The following TRPV1 variants were observed in gnomAD, a reference collection of about 807,000 sequenced individuals.
TRPV1 encodes transient receptor potential cation channel subfamily V member 1.
TRPV1 carries 82 observed loss-of-function variants against 82.3 expected under a neutral mutation model. The ratio of observed to expected loss-of-function variants is 1.00; its 90% confidence interval spans 0.83 to 1.20. TRPV1 has a LOEUF of 1.20. TRPV1 is among the 50% of genes most tolerant of loss of function. TRPV1 has a pLI of 0.00. For synonymous variants in TRPV1, 515 were observed against 467.7 expected (o/e 1.10, Z -1.30); for missense variants, 1,067 against 1,096.8 (o/e 0.97, Z 0.38).
At position 3,592,245 on chromosome 17, in the gene TRPV1, C is replaced by A; in HGVS notation, c.106G>T (p.Ala36Ser). Reference sequence around the variant, plus strand: ...TTGGCCGTGGAGAGCTGGGGCTTGGCTGGAGGTGGCCTGGAGTTAGGGTCT... The same window carrying A: ...TTGGCCGTGGAGAGCTGGGGCTTGGATGGAGGTGGCCTGGAGTTAGGGTCT... ...DGDPNSRPPP[A>S]KPQLSTAKSR... Residue 36 changes from alanine (A) to serine (S), a missense_variant, in exon 3 of 17, where the codon GCC becomes TCC. By Grantham distance (99) the Ala-to-Ser change is moderately conservative. Coordinates refer to ENST00000572705, the MANE Select transcript of TRPV1 (RefSeq NM_080704.4). 6.2e-7 allele frequency: 1 copy of A among 1,610,136 alleles called. No individual in the cohort carries two copies. The highest frequency in any genetic ancestry group is 8.5e-7 in the Non-Finnish European group (1 of 1,178,228).
chr17:3,575,991 G>A lies in TRPV1; in HGVS notation c.1780+1135C>T, dbSNP rs1414263484. 3.3e-5 allele frequency among the ~76,000 whole-genome samples: 5 copies of A among 151,736 alleles called. No homozygotes were observed. In the South Asian group the frequency reaches 8.3e-4, roughly 25 times the overall value. ...CTGTCATCCTAGCACTTTGGGAGCC[G>A]AGGCGGGCAGATCACTTGAGGTCAG... On this transcript the variant is annotated intron_variant, in intron 13 of 16. Coordinates refer to ENST00000572705, the MANE Select transcript of TRPV1 (RefSeq NM_080704.4).
At chr17:3,591,463 GA>G (rs985176708) in intron 3 of TRPV1, 110 bp from the exon 4 acceptor site, 1 of 1,308,822 alleles carries the variant, frequency 7.6e-7, no homozygotes, top group Non-Finnish European at 1.0e-6. Flanking sequence ...CCAAAAAGGG[GA>G]AAAATGATAT....
intron 12 of TRPV1, 134 bp downstream of exon 12, chr17:3,577,464 G>T: frequency 8.1e-7 from 1 of 1,228,368 alleles, no homozygotes; most frequent in Non-Finnish European, 1.1e-6. Flanking sequence ...CTTGATTCTT[G>T]GAAAATAGGC....
intron 2 of TRPV1, among the ~76,000 whole-genome samples, chr17:3,594,626 C>A (rs527802848): frequency 6.6e-6 from 1 of 152,224 alleles, no homozygotes; most frequent in Admixed American, 6.5e-5. Flanking sequence ...ATCAGGTGGA[C>A]CCCCTGCAGC....
At chr17:3,599,669 C>A (rs2075247885) in intron 2 of TRPV1, among the ~76,000 whole-genome samples, 1 of 149,928 alleles carries the variant, frequency 6.7e-6, no homozygotes, top group Non-Finnish European at 1.5e-5. Context: ...CACTCTGTCC[C>A]CCAGGCTACA....
At position 3,591,175 on chromosome 17, in the gene TRPV1, C is replaced by T. The variant is rs200589858; in HGVS notation, c.451+12G>A. ...GGGCTGGGGCCCTCCCCGAGCCCAG[C>T]GCTGGGGCCACCTTTGAACTCGTTG... On this transcript the variant is annotated intron_variant, in intron 4 of 16. Transcript: ENST00000572705. 62 of 1,608,148 alleles carry T rather than the reference C, an allele frequency of 3.9e-5. No individual in the cohort carries two copies. The highest frequency in any genetic ancestry group is 3.6e-4 in the East Asian group (16 of 44,684).
At chr17:3,597,346 C>G (rs1032091717) in intron 2 of TRPV1, among the ~76,000 whole-genome samples, 3 of 152,294 alleles carry the variant, frequency 2.0e-5, no homozygotes, top group African/African-American at 7.2e-5. Context: ...CCCCGGAGGT[C>G]TGGGAAACGG....
chr17:3,600,362 C>T (rs1052945060), intron 2 of TRPV1, among the ~76,000 whole-genome samples: 3 of 152,120 alleles, frequency 2.0e-5, no homozygotes, highest in Non-Finnish European at 4.4e-5. Flanking sequence ...CAGAAGTGGG[C>T]GGACTGTCTG....
Position 3,588,898 on chromosome 17 carries a change from C to T in TRPV1, c.1045-531G>A, listed in dbSNP as rs961436711. The stretch of plus-strand genomic sequence containing the variant: ...CCTGCACCATATCAGGCCCACAATC[C>T]CCTCACGGCGAGGCCCCAGCTCTAC... On this transcript the variant is annotated intron_variant, in intron 7 of 16. Transcript: ENST00000572705. The T allele has an allele frequency of 1.7e-5, 26 of 1,535,506 alleles. No individual in the cohort carries two copies. The African/African-American group carries it at 3.0e-4, about 18-fold the overall frequency.
chr17:3,585,913 A>G lies in TRPV1; in HGVS notation c.1238T>C (p.Met413Thr). 6.2e-7 allele frequency: 1 copy of G among 1,613,866 alleles called. No homozygotes were observed. Residue 413 changes from methionine (M) to threonine (T), a missense_variant, in exon 9 of 17, where the codon ATG (methionine) becomes ACG (threonine). Coordinates refer to ENST00000572705, the MANE Select transcript of TRPV1 (RefSeq NM_080704.4). Reference protein sequence around the residue: ...SSSETPNRHDMLLVEPLNRLL... With the variant: ...SSSETPNRHDTLLVEPLNRLL... ...TCGGTTCAGCGGCTCCACCAAGAGCATGTCGTGGCGATTCTAGGGGGTGGG... is the reference window on the plus strand; with the variant it reads ...TCGGTTCAGCGGCTCCACCAAGAGCGTGTCGTGGCGATTCTAGGGGGTGGG...
rs1442632112 is a variant in TRPV1, at chr17:3,577,113, C to A, written c.1780+13G>T. 2 of 1,577,562 alleles carry A rather than the reference C, an allele frequency of 1.3e-6. No homozygotes were observed. The highest frequency in any genetic ancestry group is 1.2e-5 in the South Asian group (1 of 85,816). ...GACCCCTGCCCTCCCCCAGCGCTGA[C>A]CAAGCTCATTACCTGTGGAAAACCC... On this transcript the variant is annotated intron_variant, in intron 13 of 16. Transcript: ENST00000572705.
At chr17:3,591,785 G>A (rs1283293074) in intron 3 of TRPV1, among the ~76,000 whole-genome samples, 1 of 152,212 alleles carries the variant, frequency 6.6e-6, no homozygotes, top group Non-Finnish European at 1.5e-5. Flanking sequence ...GCTGTGCTGT[G>A]CTCTCCAAAA....
In TRPV1 at chr17:3,581,742, G is replaced by A. The variant is rs557411154; in HGVS notation, c.1477-1215C>T. Among the ~76,000 whole-genome samples, 208 of 145,232 alleles carry A rather than the reference G, an allele frequency of 1.4e-3. 2 individuals are homozygous for A. Among genetic ancestry groups the A allele is most frequent in the African/African-American group, 4.4e-3 (178 of 40,454 alleles). On this transcript the variant is annotated intron_variant, in intron 10 of 16. Coordinates refer to ENST00000572705, the MANE Select transcript of TRPV1 (RefSeq NM_080704.4). ...TCTACTAAAAATACAAAAATTAGCCGGGCGCGGTGGCACGCACCTGTAGTC... is the reference window on the plus strand; with the variant it reads ...TCTACTAAAAATACAAAAATTAGCCAGGCGCGGTGGCACGCACCTGTAGTC...
intron 16 of TRPV1, among the ~76,000 whole-genome samples, chr17:3,569,803 GAA>G (rs2074822571): frequency 6.6e-6 from 1 of 152,180 alleles, no homozygotes; most frequent in African/African-American, 2.4e-5. Context: ...AGGGTGTTAA[GAA>G]GGTCTCTGGG....
chr17:3,573,333 A>G (rs1473055889), intron 14 of TRPV1, among the ~76,000 whole-genome samples: 1 of 152,038 alleles, frequency 6.6e-6, no homozygotes, highest in East Asian at 1.9e-4. Flanking sequence ...CACGGTGTCT[A>G]TAAACACCAG....
In TRPV1 at chr17:3,589,819, G is replaced by A. The variant is rs779084063; in HGVS notation, c.1032C>T (p.Thr344=). The change falls in exon 7 of 17, where the codon ACC becomes ACT. Residue 344 remains threonine, a synonymous_variant. Coordinates refer to ENST00000572705, the MANE Select transcript of TRPV1 (RefSeq NM_080704.4). ...GMTPLALAAG[T]GKIGVLAYIL... ...AGCCCCCTCTTACCCCGATCTTCCCGGTCCCAGCTGCCAGAGCCAGCGGCG... is the reference window on the plus strand; with the variant it reads ...AGCCCCCTCTTACCCCGATCTTCCCAGTCCCAGCTGCCAGAGCCAGCGGCG... 5.5e-5 allele frequency: 89 copies of A among 1,612,358 alleles called. No homozygotes were observed. The Admixed American group carries it at 9.3e-4, about 17-fold the overall frequency.
intron 11 of TRPV1, chr17:3,577,970 T>G: frequency 1.8e-6 from 1 of 551,876 alleles, no homozygotes; most frequent in Non-Finnish European, 3.2e-6. Flanking sequence ...TGAGGAGCTG[T>G]GCAAAATCTC....
intron 2 of TRPV1, chr17:3,601,855 A>G (rs1180129629): frequency 1.3e-5 from 2 of 151,728 alleles, no homozygotes; most frequent in Non-Finnish European, 2.9e-5. Context: ...CAGTCTCCCA[A>G]TATGCTGGGA....
At chr17:3,591,138 C>A (rs1170290556) in intron 4 of TRPV1, 22 bp from the exon 5 acceptor site, 1 of 1,609,684 alleles carries the variant, frequency 6.2e-7, no homozygotes, top group East Asian at 2.2e-5. Flanking sequence ...AAGGGAGGGT[C>A]AGGGCAGGCC....
Sources: gnomAD v4.1 joint callset for allele counts (sites outside exome capture counted in the v4.1 genomes callset) on GRCh38, gnomAD v4.1.1 for gene constraint, MANE v1.5 for transcripts, NCBI Gene and HGNC (gene_info 2026-07-23, HGNC 2026-07-21) for gene names.